Variants in TRIM9 observed in about 807,000 individuals in gnomAD.
TRIM9 encodes the protein tripartite motif containing 9, also known as E3 ubiquitin-protein ligase TRIM9.
TRIM9 carries 26 observed loss-of-function variants against 78.3 expected under a neutral mutation model. The observed-to-expected ratio is 0.33, with a 90% CI of 0.24 to 0.46. The LOEUF (loss-of-function observed/expected upper bound fraction) is 0.46. Among genes scored for constraint, TRIM9 ranks in the 20% least tolerant of loss-of-function variants. The pLI is 1.00. For missense variants in TRIM9, 787 were observed against 1,036.4 expected (o/e 0.76, Z 3.30); for synonymous variants, 398 against 416.5 (o/e 0.96, Z 0.54).
At chr14:51,054,253 A>G (rs1370284683) in intron 1 of TRIM9, among the ~76,000 whole-genome samples, 1 of 151,970 alleles carries the variant, frequency 6.6e-6, no homozygotes, top group Non-Finnish European at 1.5e-5. Flanking sequence ...AGCATGATTT[A>G]TGACTTATAC....
Position 50,979,390 on chromosome 14 carries a change from C to A in TRIM9, c.2322G>T (p.Val774=), listed in dbSNP as rs1196666724. Residue 774 remains valine (V), a synonymous_variant, in exon 12 of 13, where the codon GTG becomes GTT. Coordinates refer to ENST00000684578, the MANE Select transcript of TRIM9 (RefSeq NM_001387360.1). ...ACCTCAGGGGCAGGGTGCTTACCTG[C>A]ACGTTCCTGTTCAGGCTGACCGCAG... ...FFPAVSLNRN[V]QVTLHTGLPV... 2 of 1,614,228 alleles carry A rather than the reference C, an allele frequency of 1.2e-6. No homozygotes were observed. The highest frequency in any genetic ancestry group is 1.3e-5 in the African/African-American group (1 of 75,046).
intron 1 of TRIM9, among the ~76,000 whole-genome samples, chr14:51,068,671 T>C (rs1293505310): frequency 6.6e-6 from 1 of 152,194 alleles, no homozygotes; most frequent in Non-Finnish European, 1.5e-5. Context: ...AGACACTGTT[T>C]TGCCACTATG....
At chr14:51,077,285 T>C (rs755021931) in intron 1 of TRIM9, among the ~76,000 whole-genome samples, 1 of 151,924 alleles carries the variant, frequency 6.6e-6, no homozygotes, top group Non-Finnish European at 1.5e-5. Context: ...TGAGACAGTA[T>C]AGGTGACACA....
intron 1 of TRIM9, among the ~76,000 whole-genome samples, chr14:51,045,299 A>G (rs1435743794): frequency 6.6e-6 from 1 of 152,234 alleles, no homozygotes; most frequent in East Asian, 1.9e-4. Flanking sequence ...TTTGAAGAAC[A>G]CAAAATTTAT....
At position 50,975,648 on chromosome 14, in the gene TRIM9, T is replaced by A. The variant is rs1178586269; in HGVS notation, c.*1643A>T. The A allele has an allele frequency of 1.3e-5, 2 of 152,692 alleles. No individual in the cohort carries two copies. Among genetic ancestry groups the A allele is most frequent in the Non-Finnish European group, 2.9e-5 (2 of 68,048 alleles). The allele number at this position is 152,692 out of a possible 1,614,324, so 9.5% of individuals were successfully genotyped here. A position where few individuals can be genotyped will look rare whatever the true frequency, so the allele number is the denominator to read the frequency against. ...AAAAGTAAATAATTAGCTATTTACA[T>A]ATATTCCTTTTTGCCAAAACTTTAA... On this transcript the variant is annotated 3_prime_UTR_variant, in exon 13 of 13. Transcript: ENST00000684578.
chr14:51,051,360 T>C (rs946236478), intron 1 of TRIM9, among the ~76,000 whole-genome samples: 2 of 152,200 alleles, frequency 1.3e-5, no homozygotes, highest in African/African-American at 2.4e-5. Context: ...GCAGTTATTC[T>C]TCATTCCCTC....
At chr14:51,036,304 G>GT (rs201485579) in intron 1 of TRIM9, among the ~76,000 whole-genome samples, 3 of 151,792 alleles carry the variant, frequency 2.0e-5, no homozygotes, top group South Asian at 2.1e-4. Flanking sequence ...ATTTGTTTTT[G>GT]TTTTTTTTGA....
chr14:51,013,546 A>G (rs2056827653), intron 3 of TRIM9, among the ~76,000 whole-genome samples: 1 of 152,162 alleles, frequency 6.6e-6, no homozygotes, highest in East Asian at 1.9e-4. Flanking sequence ...CTGCTTTTTA[A>G]CTTTTAATAA....
intron 1 of TRIM9, among the ~76,000 whole-genome samples, chr14:51,028,702 C>T (rs566580474): frequency 6.6e-6 from 1 of 152,132 alleles, no homozygotes; most frequent in Non-Finnish European, 1.5e-5. Flanking sequence ...TATTTGTTTT[C>T]TAGGTTACTG....
chr14:51,006,269 C>A (rs1171449186), intron 5 of TRIM9, among the ~76,000 whole-genome samples: 1 of 152,074 alleles, frequency 6.6e-6, no homozygotes, highest in African/African-American at 2.4e-5. Flanking sequence ...ACTTTAATAC[C>A]ACTCCAAATG....
intron 1 of TRIM9, among the ~76,000 whole-genome samples, chr14:51,060,568 A>G (rs540401122): frequency 6.6e-6 from 1 of 151,920 alleles, no homozygotes; most frequent in African/African-American, 2.4e-5. Flanking sequence ...CAGGGTTCAC[A>G]CCATTCTCCT....
chr14:50,984,905 A>G (rs2052491900), intron 8 of TRIM9, among the ~76,000 whole-genome samples: 1 of 152,234 alleles, frequency 6.6e-6, no homozygotes, highest in South Asian at 2.1e-4. Context: ...GTGCACAGAA[A>G]AACAATAAGA....
chr14:51,010,130 G>A (rs1256878024), intron 4 of TRIM9, among the ~76,000 whole-genome samples: 6 of 147,428 alleles, frequency 4.1e-5, no homozygotes, highest in Admixed American at 6.8e-5. Context: ...AAAAAGAAGC[G>A]AAAAAAAAAA....
At chr14:51,089,151 T>C (rs888012554) in intron 1 of TRIM9, 2 of 152,230 alleles carry the variant, frequency 1.3e-5, no homozygotes, top group African/African-American at 4.8e-5. Flanking sequence ...ATTCTCCTTG[T>C]GAGTTGATTT....
At chr14:51,029,805 G>A (rs554201860) in intron 1 of TRIM9, among the ~76,000 whole-genome samples, 12 of 152,192 alleles carry the variant, frequency 7.9e-5, no homozygotes, top group Middle Eastern at 3.4e-3. Flanking sequence ...CTCACATACG[G>A]AACAGCTGGA....
At chr14:51,043,356 G>A (rs2059707197) in intron 1 of TRIM9, among the ~76,000 whole-genome samples, 3 of 152,166 alleles carry the variant, frequency 2.0e-5, no homozygotes, top group Admixed American at 1.3e-4. Context: ...AAAGGGGGTC[G>A]GCGGGGAATA....
intron 1 of TRIM9, among the ~76,000 whole-genome samples, chr14:51,068,380 GAA>G (rs2061933819): frequency 1.3e-5 from 2 of 152,166 alleles, no homozygotes; most frequent in African/African-American, 4.8e-5. Flanking sequence ...CAATATATGT[GAA>G]GTGTCAAGTA....
chr14:51,077,906 G>A (rs945692997), intron 1 of TRIM9, among the ~76,000 whole-genome samples: 2 of 152,180 alleles, frequency 1.3e-5, no homozygotes, highest in Non-Finnish European at 2.9e-5. Context: ...TCTGTGTAAC[G>A]ATTATCCATT....
intron 12 of TRIM9, chr14:50,978,758 GT>G: frequency 2.7e-6 from 1 of 365,682 alleles, no homozygotes; most frequent in South Asian, 1.1e-4. Flanking sequence ...ATTTTTATCT[GT>G]TTTTTTGTTT....
Sources: allele counts gnomAD v4.1 joint callset (sites outside exome capture counted in the v4.1 genomes callset), GRCh38; gene constraint gnomAD v4.1.1; transcripts MANE v1.5; gene names NCBI Gene and HGNC (gene_info 2026-07-23, HGNC 2026-07-21).